Variants in SUPT3H observed in about 807,000 individuals in gnomAD.
The protein encoded by SUPT3H is transcription initiation protein SPT3 homolog.
A neutral mutation model predicts 44.3 loss-of-function variants in SUPT3H; 44 were observed. The ratio of observed to expected loss-of-function variants is 0.99; its 90% CI spans 0.78 to 1.28. The LOEUF (loss-of-function observed/expected upper bound fraction) is 1.28, where lower values mean the gene tolerates loss of function less well. SUPT3H is among the 50% of genes most tolerant of loss of function. The probability of loss-of-function intolerance (pLI) is 0.00; values close to 1 mark genes in which losing one functional copy is unlikely to be tolerated. For missense variants in SUPT3H, 380 were observed against 387.1 expected (o/e 0.98, Z 0.15); for synonymous variants, 124 against 125.6 (o/e 0.99, Z 0.09).
intron 2 of SUPT3H, chr6:45,328,374 T>C: frequency 7.2e-7 from 1 of 1,390,520 alleles, no homozygotes; most frequent in Non-Finnish European, 9.6e-7. Context: ...CGGTGCAAAC[T>C]TTCTCCAGGA....
intron 2 of SUPT3H, among the ~76,000 whole-genome samples, chr6:45,322,580 A>G (rs1257071535): frequency 6.6e-6 from 1 of 152,076 alleles, no homozygotes; most frequent in Non-Finnish European, 1.5e-5. Flanking sequence ...TATATTTTCT[A>G]TATTGTTAAT....
intron 10 of SUPT3H, among the ~76,000 whole-genome samples, chr6:44,835,298 C>A (rs771783818): frequency 3.9e-5 from 6 of 152,106 alleles, no homozygotes; most frequent in Non-Finnish European, 7.4e-5. Flanking sequence ...TTGGAGCATA[C>A]ATTCACCCTC....
chr6:44,865,961 T>C (rs145079400), intron 10 of SUPT3H, among the ~76,000 whole-genome samples: 6 of 152,250 alleles, frequency 3.9e-5, no homozygotes, highest in African/African-American at 1.4e-4. Context: ...TGGGAGAACT[T>C]GCAGTGAGGG....
intron 3 of SUPT3H, among the ~76,000 whole-genome samples, chr6:45,043,182 A>ACACACACACACACACACACAC (rs1562325647): frequency 8.7e-6 from 1 of 114,826 alleles, no homozygotes; most frequent in African/African-American, 3.3e-5. Context: ...CACACACACA[A>ACACACACACACACACACACAC]ACACCAAAAC....
chr6:45,137,510 T>C (rs1296486524), intron 2 of SUPT3H, among the ~76,000 whole-genome samples: 1 of 151,912 alleles, frequency 6.6e-6, no homozygotes, highest in Non-Finnish European at 1.5e-5. Context: ...GTAATCTATA[T>C]GACCATAACA....
rs1159936838 is a variant in SUPT3H, at chr6:44,849,250, G to A, written c.913-19393C>T. 8.6e-4 allele frequency among the ~76,000 whole-genome samples: 109 copies of A among 126,730 alleles called. 1 individual carries two copies. The highest frequency in any genetic ancestry group is 2.9e-3 in the African/African-American group (98 of 34,218). The allele number at this position is 126,730 out of a possible 152,430, so 83.1% of individuals were successfully genotyped here. On this transcript the variant is annotated intron_variant, in intron 10 of 10. Coordinates refer to ENST00000371459, the MANE Select transcript of SUPT3H (RefSeq NM_003599.4). ...TTTTTTTTTTTTTTTTTTTTGAGAC[G>A]GAGTCTCGCTCTGTCGCCCAGGCTG...
chr6:44,929,728 A>T (rs1770223169), intron 10 of SUPT3H, among the ~76,000 whole-genome samples: 1 of 151,450 alleles, frequency 6.6e-6, no homozygotes, highest in Non-Finnish European at 1.5e-5. Context: ...GGAAGTGAAC[A>T]TCAGCATCCC....
At chr6:45,373,926 T>C (rs1052122951) in intron 1 of SUPT3H, among the ~76,000 whole-genome samples, 3 of 152,206 alleles carry the variant, frequency 2.0e-5, no homozygotes, top group Admixed American at 2.0e-4. Flanking sequence ...TCCATGCTGT[T>C]ACACAAAATT....
At chr6:45,163,729 C>A (rs2153602394) in intron 2 of SUPT3H, among the ~76,000 whole-genome samples, 1 of 151,150 alleles carries the variant, frequency 6.6e-6, no homozygotes, top group Middle Eastern at 3.4e-3. Flanking sequence ...GGATCACTGC[C>A]ATACTTTTCA....
At position 45,365,275 on chromosome 6, in the gene SUPT3H, C is replaced by T. The variant is rs770732481; in HGVS notation, c.27G>A (p.Met9Ile). The T allele has an allele frequency of 4.3e-6, 7 of 1,611,052 alleles. No homozygotes were observed. In the South Asian group the frequency reaches 4.4e-5, roughly 10 times the overall value. MNNTAASP[M>I]STATSSSGRS... ...TTCCACTACTTGAAGTTGCAGTAGA[C>T]ATTGGACTAGCTGCCGTATTATTCA... The change falls in exon 2 of 11, where the codon ATG (methionine) becomes ATA (isoleucine). Residue 9 changes from methionine (M) to isoleucine (I), a missense_variant. By Grantham distance (10) the Met-to-Ile change is conservative. Coordinates refer to ENST00000371459, the MANE Select transcript of SUPT3H (RefSeq NM_003599.4).
intron 3 of SUPT3H, among the ~76,000 whole-genome samples, chr6:45,046,349 G>C (rs1455875505): frequency 1.3e-5 from 2 of 151,222 alleles, no homozygotes; most frequent in Non-Finnish European, 2.9e-5. Flanking sequence ...TGTTTGTTTT[G>C]AGATGGAGTC....
At chr6:44,985,021 T>C in intron 6 of SUPT3H, among the ~76,000 whole-genome samples, 1 of 151,660 alleles carries the variant, frequency 6.6e-6, no homozygotes, top group Non-Finnish European at 1.5e-5. Context: ...TGAAAATTTG[T>C]GATCACAAAA....
At chr6:45,127,879 A>G (rs996742302) in intron 2 of SUPT3H, among the ~76,000 whole-genome samples, 3 of 152,330 alleles carry the variant, frequency 2.0e-5, no homozygotes, top group Middle Eastern at 6.8e-3. Context: ...GATTCATCTA[A>G]TAAATTCTGA....
chr6:44,886,804 T>G (rs978828334), intron 10 of SUPT3H, among the ~76,000 whole-genome samples: 1 of 152,114 alleles, frequency 6.6e-6, no homozygotes, highest in Admixed American at 6.5e-5. Flanking sequence ...AATGCTCCAA[T>G]TAAAAGACAC....
intron 2 of SUPT3H, among the ~76,000 whole-genome samples, chr6:45,309,917 C>G (rs1389771673): frequency 1.3e-5 from 2 of 152,048 alleles, no homozygotes; most frequent in Non-Finnish European, 2.9e-5. Context: ...ATGTTAGCTT[C>G]TGATCAACTG....
At chr6:44,911,673 G>A (rs985801606) in intron 10 of SUPT3H, among the ~76,000 whole-genome samples, 1 of 152,024 alleles carries the variant, frequency 6.6e-6, no homozygotes, top group African/African-American at 2.4e-5. Context: ...TATCCATATA[G>A]TTGCCAATAT....
chr6:44,819,634 G>C (rs772434621), intron 11 of SUPT3H, among the ~76,000 whole-genome samples: 2 of 146,232 alleles, frequency 1.4e-5, no homozygotes, highest in Non-Finnish European at 3.0e-5. Context: ...TCTATAAAAA[G>C]AAAAAAAAAA....
intron 2 of SUPT3H, among the ~76,000 whole-genome samples, chr6:45,155,327 T>C (rs868060108): frequency 1.3e-5 from 2 of 152,186 alleles, no homozygotes; most frequent in South Asian, 4.1e-4. Context: ...ACCAAGAAGA[T>C]GGTGAACTAG....
At chr6:45,011,692 T>C (rs1270339740) in intron 5 of SUPT3H, among the ~76,000 whole-genome samples, 1 of 152,108 alleles carries the variant, frequency 6.6e-6, no homozygotes, top group Non-Finnish European at 1.5e-5. Context: ...CTTATATTTA[T>C]GTACTTAATT....
Sources: gnomAD v4.1 joint callset for allele counts (sites outside exome capture counted in the v4.1 genomes callset) on GRCh38, gnomAD v4.1.1 for gene constraint, MANE v1.5 for transcripts, NCBI Gene and HGNC (gene_info 2026-07-23, HGNC 2026-07-21) for gene names.